PASK: variants seen among roughly 807,000 people sequenced by gnomAD.
PASK encodes PAS domain containing serine/threonine kinase, also known as PAS domain-containing serine/threonine-protein kinase.
A neutral mutation model predicts 121.0 loss-of-function variants in PASK; 110 were observed. The ratio of observed to expected loss-of-function variants is 0.91; its 90% CI spans 0.78 to 1.06. The LOEUF is 1.06. Among genes scored for constraint, PASK ranks in the 50% least tolerant of loss-of-function variants. The pLI is 0.00. For synonymous variants in PASK, 686 were observed against 717.8 expected (o/e 0.96, Z 0.71); for missense variants, 1,643 against 1,702.3 (o/e 0.97, Z 0.61).
intron 6 of PASK, 30 bp from the exon 7 acceptor site, chr2:241,137,294 G>T: frequency 6.2e-7 from 1 of 1,608,082 alleles, no homozygotes; most frequent in Non-Finnish European, 8.5e-7. Context: ...TTTGGCTTAA[G>T]CCGTGTTTCA....
At chr2:241,127,824 T>C (rs943893872) in intron 9 of PASK, 1 of 358,834 alleles carries the variant, frequency 2.8e-6, no homozygotes, top group Non-Finnish European at 5.4e-6. Context: ...CTTGAGGAGG[T>C]GTGAGAGGAA....
chr2:241,150,009 C>G, upstream of PASK: 1 of 1,402,724 alleles, frequency 7.1e-7, no homozygotes, highest in Non-Finnish European at 9.2e-7. Flanking sequence ...TCTTGCCGTT[C>G]GGCCCATTGT....
At chr2:241,139,566 T>C (rs1559397174) in intron 4 of PASK, 6 of 603,612 alleles carry the variant, frequency 9.9e-6, no homozygotes, top group Non-Finnish European at 1.6e-5. Context: ...GAGCATCTGA[T>C]GTGCTGCCCG....
intron 9 of PASK, among the ~76,000 whole-genome samples, chr2:241,131,944 C>T (rs1294343519): frequency 6.6e-6 from 1 of 150,864 alleles, no homozygotes; most frequent in African/African-American, 2.4e-5. Context: ...GTCTCAGCTA[C>T]TCAGGAGGCT....
chr2:241,120,173 A>C (rs1176342493), intron 12 of PASK, among the ~76,000 whole-genome samples: 1 of 152,196 alleles, frequency 6.6e-6, no homozygotes, highest in Non-Finnish European at 1.5e-5. Context: ...ATTTAATAAT[A>C]AAAAGACAAC....
chr2:241,137,188 T>C lies in PASK; in HGVS notation c.953A>G (p.Gln318Arg), dbSNP rs763731640. ...GGTGGTCGCCTCCTCGCTGCTGGGTTGGGATTTCAGCTTTAAGCTCAGAGG... is the reference window on the plus strand; with the variant it reads ...GGTGGTCGCCTCCTCGCTGCTGGGTCGGGATTTCAGCTTTAAGCTCAGAGG... ...TFPLSLKLKSQPSSEEATTGE... is the reference protein window; with the variant it reads ...TFPLSLKLKSRPSSEEATTGE... Residue 318 changes from glutamine to arginine, a missense_variant, in exon 7 of 18, where the codon CAA becomes CGA. By Grantham distance (43) the Gln-to-Arg change is conservative (BLOSUM62 1). This residue lies in a region of PASK where 1,176 missense variants were observed against 1,162.2 expected (regional missense o/e 1.01). Transcript: ENST00000234040. 4 of 1,612,854 alleles carry C rather than the reference T, an allele frequency of 2.5e-6. No homozygotes were observed. The highest frequency in any genetic ancestry group is 3.4e-6 in the Non-Finnish European group (4 of 1,178,958).
chr2:241,149,990 T>C, upstream of PASK: 2 of 1,414,618 alleles, frequency 1.4e-6, no homozygotes, highest in South Asian at 1.5e-5. Flanking sequence ...GCCGGGAGAA[T>C]GTTGTTGCTC....
chr2:241,106,509 C>T lies in PASK; in HGVS notation c.*57G>A. 2 of 1,566,800 alleles carry T rather than the reference C, an allele frequency of 1.3e-6. No individual in the cohort carries two copies. The highest frequency in any genetic ancestry group is 1.8e-6 in the Non-Finnish European group (2 of 1,136,860). ...ATGTATTTTCTCCAAACAGATGGAG[C>T]CTGAAAACTGTGTGATTTTCCAAAC... is the stretch of plus-strand genomic sequence containing the variant. On this transcript the variant is annotated 3_prime_UTR_variant, in exon 18 of 18. Coordinates refer to ENST00000234040, the MANE Select transcript of PASK (RefSeq NM_015148.4).
Position 241,115,127 on chromosome 2 carries a change from C to T in PASK, c.3249G>A (p.Lys1083=), listed in dbSNP as rs1365305621. The T allele has an allele frequency of 1.9e-6, 3 of 1,614,142 alleles. No individual in the cohort carries two copies. In the South Asian group the frequency reaches 3.3e-5, roughly 18 times the overall value. ...CGAAGAGGTCTAGGCCGGAGCCGTG[C>T]TTCTCCATCACAAGCTGGAAGAACC... ...NQGFFQLVME[K]HGSGLDLFAF... is the part of the protein sequence containing the mutation. The change falls in exon 14 of 18, where the codon AAG becomes AAA. Residue 1083 remains lysine (K), a synonymous_variant. Transcript: ENST00000234040.
intron 10 of PASK, 32 bp downstream of exon 10, chr2:241,126,161 GCAC>G (rs1413164266): frequency 6.2e-7 from 1 of 1,601,532 alleles, no homozygotes; most frequent in East Asian, 2.2e-5. Flanking sequence ...TGCTCTGGGA[GCAC>G]CACACTTCTT....
chr2:241,136,911 G>A (rs528861995), intron 7 of PASK, 93 bp downstream of exon 7: 70 of 1,207,500 alleles, frequency 5.8e-5, no homozygotes, highest in Admixed American at 2.1e-4. Context: ...AGAGCTTGCC[G>A]GGTGCGAGGC....
At chr2:241,115,239 A>G in intron 13 of PASK, 49 bp downstream of exon 13, 1 of 1,614,018 alleles carries the variant, frequency 6.2e-7, no homozygotes, top group Non-Finnish European at 8.5e-7. Context: ...CAAATTGAAG[A>G]CATTTGACAT....
chr2:241,129,818 G>A (rs2066042391), intron 9 of PASK, among the ~76,000 whole-genome samples: 1 of 152,324 alleles, frequency 6.6e-6, no homozygotes, highest in South Asian at 2.1e-4. Flanking sequence ...CCTCAACCCA[G>A]GGCAGCCCCA....
chr2:241,140,628 A>G lies in PASK; in HGVS notation c.322T>C (p.Cys108Arg), dbSNP rs1208536697. The change falls in exon 3 of 18, where the codon TGC becomes CGC. Residue 108 changes from cysteine (C) to arginine (R), a missense_variant. Around this residue, in one of 3 missense-constraint regions of PASK, gnomAD observed 1,176 missense variants for 1,162.2 expected, o/e 1.01. Transcript: ENST00000234040. ...GAGGACAGTCCCCGCAGCAGGGAGC[A>G]GCAGGACACACTGCCCCGCGGTTCG... ...PSEPRGSVSC[C>R]SLLRGLSSGW... The G allele has an allele frequency of 1.9e-6, 3 of 1,613,978 alleles. No homozygotes were observed. In the East Asian group the frequency reaches 6.7e-5, roughly 36 times the overall value.
At chr2:241,131,802 T>C (rs1372216044) in intron 9 of PASK, among the ~76,000 whole-genome samples, 1 of 152,092 alleles carries the variant, frequency 6.6e-6, no homozygotes, top group Non-Finnish European at 1.5e-5. Flanking sequence ...ACACCTGTAA[T>C]CCCAGGACTT....
chr2:241,112,817 G>C lies in PASK; in HGVS notation c.3334-378C>G, dbSNP rs2065164361. The stretch of plus-strand genomic sequence containing the variant: ...TCAAAGACACTCATGGTGGGCAAGT[G>C]AATGGGTGCAGGTTTGGTGTTAAGT... On this transcript the variant is annotated intron_variant, in intron 14 of 17. Coordinates refer to ENST00000234040, the MANE Select transcript of PASK (RefSeq NM_015148.4). The surrounding 1 kb of genome is among the most constrained non-coding windows in gnomAD (Gnocchi z 5.2). 3.5e-6 allele frequency: 1 copy of C among 283,362 alleles called. No individual in the cohort carries two copies. The highest frequency in any genetic ancestry group is 2.3e-5 in the African/African-American group (1 of 44,322). The allele number at this position is 283,362 out of a possible 1,614,324, so 17.6% of individuals were successfully genotyped here.
upstream of PASK, chr2:241,149,887 CG>C: frequency 6.9e-7 from 1 of 1,442,844 alleles, no homozygotes; most frequent in South Asian, 1.5e-5. Flanking sequence ...AGCTGGCTAG[CG>C]GCCCCACCAG....
chr2:241,114,047 C>T (rs967713646), intron 14 of PASK: 11 of 983,936 alleles, frequency 1.1e-5, no homozygotes, highest in African/African-American at 1.7e-5. Flanking sequence ...CCAGAATTAA[C>T]AGCTGTCAGG....
chr2:241,130,489 C>T (rs911305068), intron 9 of PASK, among the ~76,000 whole-genome samples: 17 of 152,146 alleles, frequency 1.1e-4, no homozygotes, highest in African/African-American at 4.1e-4. Context: ...CAAGGGGGCC[C>T]GGCCGCTAGT....
Sources: allele counts gnomAD v4.1 joint callset (sites outside exome capture counted in the v4.1 genomes callset), GRCh38; gene constraint gnomAD v4.1.1; regional missense constraint gnomAD v4.1.1; non-coding constraint Gnocchi (gnomAD v3.1); transcripts MANE v1.5; gene names NCBI Gene and HGNC (gene_info 2026-07-23, HGNC 2026-07-21).